The following XAB2 variants were observed in gnomAD, a reference collection of about 807,000 sequenced individuals.
The protein encoded by XAB2 is XPA binding protein 2, also known as pre-mRNA-splicing factor SYF1.
A neutral mutation model predicts 113.4 loss-of-function variants in XAB2; 57 were observed. The ratio of observed to expected loss-of-function variants is 0.50; its 90% CI spans 0.41 to 0.63. The LOEUF is 0.63. Ranked by LOEUF, XAB2 falls within the 20% of genes least tolerant of loss-of-function variation. The pLI is 0.00. For synonymous variants in XAB2, 497 were observed against 498.8 expected, an observed-to-expected ratio of 1.00 and a Z score of 0.05; for missense variants, 1,037 against 1,233.3, an observed-to-expected ratio of 0.84 and a Z score of 2.38.
rs114490675 is a variant in XAB2, at chr19:7,621,371, G to A, written c.1618-74C>T. 1.6e-3 allele frequency: 2,534 copies of A among 1,558,716 alleles called. 37 individuals are homozygous for A. In the African/African-American group the frequency reaches 0.03, roughly 18 times the overall value. On this transcript the variant is annotated intron_variant, in intron 12 of 18. Transcript: ENST00000358368. ...CCAGGCACCCGGGATGTCCTTGGGT[G>A]GCGTCTGTAGGGAGCCTGCCAGGAA...
chr19:7,623,914 G>GA lies in XAB2; in HGVS notation c.968-33dup. 1 of 1,513,822 alleles carries GA rather than the reference G, an allele frequency of 6.6e-7. No homozygotes were observed. Among genetic ancestry groups the GA allele is most frequent in the Non-Finnish European group, 8.8e-7 (1 of 1,133,244 alleles). The allele number at this position is 1,513,822 out of a possible 1,614,324, so 93.8% of individuals were successfully genotyped here. A position where few individuals can be genotyped will look rare whatever the true frequency, so the allele number is the denominator to read the frequency against. On this transcript the variant is annotated intron_variant, in intron 7 of 18. Transcript: ENST00000358368. The surrounding 1 kb of genome is among the most constrained non-coding windows in gnomAD (Gnocchi z 4.6). ...GCCGCGAACATGTTTGTCAGGGGCG[G>GA]AGACCCAGGATGCAGGTCCCCGGAT...
In XAB2 at chr19:7,623,936, G is replaced by A. The variant is rs957429864; in HGVS notation, c.968-54C>T. 2.3e-5 allele frequency: 34 copies of A among 1,485,820 alleles called. No individual in the cohort carries two copies. The highest frequency in any genetic ancestry group is 1.2e-4 in the East Asian group (5 of 40,536). 92.0% of individuals were successfully genotyped at this position (1,485,820 alleles called of 1,614,324 possible). A position where few individuals can be genotyped will look rare whatever the true frequency, so the allele number is the denominator to read the frequency against. On this transcript the variant is annotated intron_variant, in intron 7 of 18. Transcript: ENST00000358368. This position sits in a 1 kb window ranked among gnomAD's most constrained non-coding sequence, Gnocchi z 4.6. ...GCGGAGACCCAGGATGCAGGTCCCC[G>A]GATGCCACCGCCTCCACTCCCCACC... is the stretch of plus-strand genomic sequence containing the variant.
Position 7,619,870 on chromosome 19 carries a change from A to G in XAB2, c.2397-14T>C. 3 of 1,611,002 alleles carry G rather than the reference A, an allele frequency of 1.9e-6. No individual in the cohort carries two copies. The highest frequency in any genetic ancestry group is 2.7e-5 in the African/African-American group (2 of 75,042). On this transcript the variant is annotated splice_polypyrimidine_tract_variant and intron_variant, in intron 17 of 18. Coordinates refer to ENST00000358368, the MANE Select transcript of XAB2 (RefSeq NM_020196.3). ...GAGGCGTCACTCCTAGGGACGGGCC[A>G]TGCTGCCTCAGTTCCCCACCCCGGG... is the stretch of plus-strand genomic sequence containing the variant.
chr19:7,625,768 C>A lies in XAB2; in HGVS notation c.822+112G>T. 7.1e-7 allele frequency: 1 copy of A among 1,418,022 alleles called. No individual in the cohort carries two copies. Among genetic ancestry groups the A allele is most frequent in the South Asian group, 1.4e-5 (1 of 69,812 alleles). 87.8% of individuals were successfully genotyped at this position (1,418,022 alleles called of 1,614,324 possible). On this transcript the variant is annotated intron_variant, in intron 6 of 18. Transcript: ENST00000358368. This position sits in a 1 kb window ranked among gnomAD's most constrained non-coding sequence, Gnocchi z 5.2. ...TGCTGGGATGACAGGTGTGAGCCAC[C>A]ACACCCAGCCATAAATGGCATGTTT...
rs561922038 is a variant in XAB2, at chr19:7,627,173, C to T, written c.522+70G>A. On this transcript the variant is annotated intron_variant, in intron 4 of 18. Coordinates refer to ENST00000358368, the MANE Select transcript of XAB2 (RefSeq NM_020196.3). The surrounding 1 kb of genome is among the most constrained non-coding windows in gnomAD (Gnocchi z 4.5). ...CCCGTCTGCTGGGTGACATCCTACG[C>T]GGAGCTAGTGTCACAGTGAGGCCGT... 84 of 1,553,274 alleles carry T rather than the reference C, an allele frequency of 5.4e-5. No individual in the cohort carries two copies. The East Asian group carries it at 8.8e-4, about 16-fold the overall frequency.
chr19:7,623,221 A>C lies in XAB2; in HGVS notation c.1188T>G (p.Thr396=). ...AAAACTTGGCAAACGCCACCCACAGAGTGTGGGGCTTGCCTGTGGCCTTGA... is the reference window on the plus strand; with the variant it reads ...AAAACTTGGCAAACGCCACCCACAGCGTGTGGGGCTTGCCTGTGGCCTTGA... ...DPFKATGKPH[T]LWVAFAKFYE... Residue 396 remains threonine (T), a synonymous_variant, in exon 9 of 19, where the codon ACT becomes ACG. Coordinates refer to ENST00000358368, the MANE Select transcript of XAB2 (RefSeq NM_020196.3). This position sits in a 1 kb window ranked among gnomAD's most constrained non-coding sequence, Gnocchi z 4.6. 1 of 1,613,788 alleles carries C rather than the reference A, an allele frequency of 6.2e-7. No homozygotes were observed. The highest frequency in any genetic ancestry group is 1.1e-5 in the South Asian group (1 of 91,086).
Position 7,624,524 on chromosome 19 carries a change from A to G in XAB2, c.823-79T>C, listed in dbSNP as rs1301746449. ...AGCAGCACTCTTAGCACCAGCCTCA[A>G]TGTGGAACCCCTGGGGGCCTTCTGG... On this transcript the variant is annotated intron_variant, in intron 6 of 18. Coordinates refer to ENST00000358368, the MANE Select transcript of XAB2 (RefSeq NM_020196.3). This position sits in a 1 kb window ranked among gnomAD's most constrained non-coding sequence, Gnocchi z 4.2. 6 of 1,598,814 alleles carry G rather than the reference A, an allele frequency of 3.8e-6. No individual in the cohort carries two copies. Among genetic ancestry groups the G allele is most frequent in the African/African-American group, 1.3e-5 (1 of 74,764 alleles).
rs544086504 is a variant in XAB2 at position 7,623,071 on chromosome 19, C to T, written c.1239+99G>A. The T allele has an allele frequency of 7.7e-5, 121 of 1,572,720 alleles. No individual in the cohort carries two copies. In the East Asian group the frequency reaches 1.5e-3, roughly 20 times the overall value. Reference sequence around the variant, plus strand: ...CCAAATGCACATGCACACACACGTGCACACATCCATGCACAAATATGTACA... The same window carrying T: ...CCAAATGCACATGCACACACACGTGTACACATCCATGCACAAATATGTACA... On this transcript the variant is annotated intron_variant, in intron 9 of 18. Coordinates refer to ENST00000358368, the MANE Select transcript of XAB2 (RefSeq NM_020196.3). This position sits in a 1 kb window ranked among gnomAD's most constrained non-coding sequence, Gnocchi z 4.6.
At chr19:7,621,539 A>C in intron 12 of XAB2, 1 of 520,760 alleles carries the variant, frequency 1.9e-6, no homozygotes. Context: ...GCCCCATAGG[A>C]GGTGACATGA....
rs527362963 is a variant in XAB2, at chr19:7,625,510, G to C, written c.822+370C>G. 2.0e-3 allele frequency among the ~76,000 whole-genome samples: 261 copies of C among 129,838 alleles called. 1 individual carries two copies. Among genetic ancestry groups the C allele is most frequent in the African/African-American group, 7.3e-3 (244 of 33,436 alleles). The allele number at this position is 129,838 out of a possible 152,430, so 85.2% of individuals were successfully genotyped here. A position where few individuals can be genotyped will look rare whatever the true frequency, so the allele number is the denominator to read the frequency against. On this transcript the variant is annotated intron_variant, in intron 6 of 18. Coordinates refer to ENST00000358368, the MANE Select transcript of XAB2 (RefSeq NM_020196.3). This position sits in a 1 kb window ranked among gnomAD's most constrained non-coding sequence, Gnocchi z 5.2. ...TTTTTTTTTTTTGAGATGGAGTCTCGCTCTGCCACCCAGGCTGGACTTCCG... is the reference window on the plus strand; with the variant it reads ...TTTTTTTTTTTTGAGATGGAGTCTCCCTCTGCCACCCAGGCTGGACTTCCG...
rs1443585613 is a variant in XAB2, at chr19:7,623,581, CAGG to C, written c.1119+147_1119+149del. On this transcript the variant is annotated intron_variant, in intron 8 of 18. Transcript: ENST00000358368. The surrounding 1 kb of genome is among the most constrained non-coding windows in gnomAD (Gnocchi z 4.6). ...GTGGCTCTGAGGGGCGGGGCTCGGG[CAGG>C]AGGAGAACCCCAAGAACAGGGGTGG... The C allele has an allele frequency of 9.2e-6, 11 of 1,194,512 alleles. No homozygotes were observed. The highest frequency in any genetic ancestry group is 2.4e-5 in the East Asian group (1 of 41,174). The allele number at this position is 1,194,512 out of a possible 1,614,324, so 74.0% of individuals were successfully genotyped here.
In XAB2 at chr19:7,622,467, G is replaced by T. The variant is rs201784717; in HGVS notation, c.1504-23C>A. The T allele has an allele frequency of 1.2e-4, 186 of 1,614,106 alleles. 1 individual carries two copies. In the East Asian group the frequency reaches 3.1e-3, roughly 27 times the overall value. On this transcript the variant is annotated intron_variant, in intron 11 of 18. Coordinates refer to ENST00000358368, the MANE Select transcript of XAB2 (RefSeq NM_020196.3). ...GGACTGCAGGGGTGGGGATGGGAAA[G>T]GTTGGAGCTGGTTCTGGAGCTGAGT...
In XAB2 at chr19:7,623,390, G is replaced by A; in HGVS notation, c.1120-101C>T. The A allele has an allele frequency of 2.7e-6, 4 of 1,495,498 alleles. No homozygotes were observed. The highest frequency in any genetic ancestry group is 2.4e-5 in the South Asian group (2 of 84,366). The allele number at this position is 1,495,498 out of a possible 1,614,324, so 92.6% of individuals were successfully genotyped here. On this transcript the variant is annotated intron_variant, in intron 8 of 18. Coordinates refer to ENST00000358368, the MANE Select transcript of XAB2 (RefSeq NM_020196.3). This position sits in a 1 kb window ranked among gnomAD's most constrained non-coding sequence, Gnocchi z 4.6. ...AGGGGTGGGGCCTGGAGGGTGCTGT[G>A]GCCCCTGTCGGGAGAGGCCAGAAAC...
rs763507107 is a variant in XAB2, at chr19:7,620,578, T to C, written c.2063A>G (p.Tyr688Cys). ...LGEIDRARAI[Y>C]SFCSQICDPR... Reference sequence around the variant, plus strand: ...GTCACAGATCTGGGAGCAGAAGCTGTAGATGGCCCGGGCGCGGTCAATCTC... The same window carrying C: ...GTCACAGATCTGGGAGCAGAAGCTGCAGATGGCCCGGGCGCGGTCAATCTC... The change falls in exon 15 of 19, where the codon TAC (tyrosine) becomes TGC (cysteine). Residue 688 changes from tyrosine (Y) to cysteine (C), a missense_variant. Transcript: ENST00000358368. The C allele has an allele frequency of 6.8e-6, 11 of 1,613,256 alleles. No individual in the cohort carries two copies. Among genetic ancestry groups the C allele is most frequent in the Non-Finnish European group, 8.5e-6 (10 of 1,179,944 alleles).
At position 7,627,669 on chromosome 19, in the gene XAB2, C is replaced by T; in HGVS notation, c.324+59G>A. Reference sequence around the variant, plus strand: ...CTGAGCCCAGCCCCTGTCCCCGCCCCACCCACCACCATGGACTGAGCTCCA... The same window carrying T: ...CTGAGCCCAGCCCCTGTCCCCGCCCTACCCACCACCATGGACTGAGCTCCA... On this transcript the variant is annotated intron_variant, in intron 3 of 18. Transcript: ENST00000358368. The surrounding 1 kb of genome is among the most constrained non-coding windows in gnomAD (Gnocchi z 4.5). 1.3e-6 allele frequency: 2 copies of T among 1,597,496 alleles called. No homozygotes were observed. Among genetic ancestry groups the T allele is most frequent in the African/African-American group, 1.3e-5 (1 of 74,768 alleles).
rs746996282 is a variant in XAB2, at chr19:7,619,610, C to A, written c.2544G>T (p.Val848=). ...RLEQQSVPAA[V]FGSLKED is the part of the protein sequence containing the mutation. ...GTCAGTCTTCCTTCAGGCTCCCAAACACTGCGGCTGGCACGCTCTGCTGCT... is the reference window on the plus strand; with the variant it reads ...GTCAGTCTTCCTTCAGGCTCCCAAAAACTGCGGCTGGCACGCTCTGCTGCT... Residue 848 remains valine, a synonymous_variant, in exon 19 of 19, where the codon GTG becomes GTT. Transcript: ENST00000358368. 1.2e-6 allele frequency: 2 copies of A among 1,602,304 alleles called. No homozygotes were observed. The highest frequency in any genetic ancestry group is 1.7e-5 in the Admixed American group (1 of 59,262).
rs2031103578 is a variant in XAB2, at chr19:7,624,697, A to G, written c.823-252T>C. Among the ~76,000 whole-genome samples the G allele has an allele frequency of 6.6e-6, 1 of 152,146 alleles. No homozygotes were observed. Among genetic ancestry groups the G allele is most frequent in the African/African-American group, 2.4e-5 (1 of 41,432 alleles). On this transcript the variant is annotated intron_variant, in intron 6 of 18. Transcript: ENST00000358368. This position sits in a 1 kb window ranked among gnomAD's most constrained non-coding sequence, Gnocchi z 4.2. ...AACTGGGTGACTGCCCTTTGCACAC[A>G]GTGACCTCAGGGCTCGACTGAGACA...
In XAB2 at chr19:7,628,362, C is replaced by T. The variant is rs1448734271; in HGVS notation, c.52-64G>A. The T allele has an allele frequency of 2.5e-6, 4 of 1,599,416 alleles. No homozygotes were observed. Among genetic ancestry groups the T allele is most frequent in the Non-Finnish European group, 3.4e-6 (4 of 1,170,678 alleles). Reference sequence around the variant, plus strand: ...CTCAGAGCCTGTGTGCAGCACCATCCCACTGCTGGGGCTCAGGTCCAAACT... The same window carrying T: ...CTCAGAGCCTGTGTGCAGCACCATCTCACTGCTGGGGCTCAGGTCCAAACT... On this transcript the variant is annotated intron_variant, in intron 1 of 18. Coordinates refer to ENST00000358368, the MANE Select transcript of XAB2 (RefSeq NM_020196.3). The surrounding 1 kb of genome is among the most constrained non-coding windows in gnomAD (Gnocchi z 4.6).
rs1395886914 is a variant in XAB2 at position 7,623,622 on chromosome 19, T to G, written c.1119+109A>C. The G allele has an allele frequency of 6.9e-7, 1 of 1,440,584 alleles. No homozygotes were observed. The highest frequency in any genetic ancestry group is 1.4e-5 in the African/African-American group (1 of 70,270). 89.2% of individuals were successfully genotyped at this position (1,440,584 alleles called of 1,614,324 possible). A position where few individuals can be genotyped will look rare whatever the true frequency, so the allele number is the denominator to read the frequency against. ...AGAACAGGGGTGGAATTGGACCTAC[T>G]AAGCAAAGTCAGGCCCCTAGAAGGT... On this transcript the variant is annotated intron_variant, in intron 8 of 18. Coordinates refer to ENST00000358368, the MANE Select transcript of XAB2 (RefSeq NM_020196.3). This position sits in a 1 kb window ranked among gnomAD's most constrained non-coding sequence, Gnocchi z 4.6.
Sources: gnomAD v4.1 joint callset for allele counts (sites outside exome capture counted in the v4.1 genomes callset) on GRCh38, gnomAD v4.1.1 for gene constraint, Gnocchi (gnomAD v3.1) non-coding constraint, MANE v1.5 for transcripts, NCBI Gene and HGNC (gene_info 2026-07-23, HGNC 2026-07-21) for gene names.